Variants in DMRT1 observed in about 807,000 individuals in gnomAD.
The protein encoded by DMRT1 is doublesex- and mab-3-related transcription factor 1.
DMRT1 carries 7 observed loss-of-function variants against 32.3 expected under a neutral mutation model. The ratio of observed to expected loss-of-function variants is 0.22; its 90% CI spans 0.12 to 0.41. The LOEUF (loss-of-function observed/expected upper bound fraction) is 0.41, where lower values mean the gene tolerates loss of function less well. Among genes scored for constraint, DMRT1 ranks in the 10% least tolerant of loss-of-function variants. DMRT1 has a pLI of 1.00. For synonymous variants in DMRT1, 278 were observed against 206.1 expected, an observed-to-expected ratio of 1.35 and a Z score of -2.99; for missense variants, 625 against 500.5, an observed-to-expected ratio of 1.25 and a Z score of -2.37.
chr9:841,751 G>C lies in DMRT1; in HGVS notation c.-88G>C. The C allele has an allele frequency of 2.6e-6, 4 of 1,548,544 alleles. No homozygotes were observed. Among genetic ancestry groups the C allele is most frequent in the Non-Finnish European group, 3.5e-6 (4 of 1,147,338 alleles). On this transcript the variant is annotated 5_prime_UTR_variant, in exon 1 of 5. Coordinates refer to ENST00000382276, the MANE Select transcript of DMRT1 (RefSeq NM_021951.3). Reference sequence around the variant, plus strand: ...CACGTCTCCTGCGCCTCCTCCTCCGGAGCGTCGCTGTCCGTCGGGTTCATC... The same window carrying C: ...CACGTCTCCTGCGCCTCCTCCTCCGCAGCGTCGCTGTCCGTCGGGTTCATC...
intron 3 of DMRT1, among the ~76,000 whole-genome samples, chr9:915,679 C>T (rs1417389421): frequency 6.6e-6 from 1 of 152,048 alleles, no homozygotes. Context: ...TCCACAGCTT[C>T]CCATTACACA....
In DMRT1 at chr9:850,707, T is replaced by G. The variant is rs548654856; in HGVS notation, c.538+3564T>G. Reference sequence around the variant, plus strand: ...TTTTTTCATTTACTACAGCTGAGAATTTTTAGTGACCTAGAATTCCACTGT... The same window carrying G: ...TTTTTTCATTTACTACAGCTGAGAAGTTTTAGTGACCTAGAATTCCACTGT... On this transcript the variant is annotated intron_variant, in intron 2 of 4. Transcript: ENST00000382276. Among the ~76,000 whole-genome samples, 5 of 150,096 alleles carry G rather than the reference T, an allele frequency of 3.3e-5. No homozygotes were observed. The East Asian group carries it at 7.8e-4, about 23-fold the overall frequency.
intron 4 of DMRT1, among the ~76,000 whole-genome samples, chr9:959,874 G>T (rs1819716585): frequency 6.6e-6 from 1 of 152,174 alleles, no homozygotes; most frequent in Non-Finnish European, 1.5e-5. Flanking sequence ...GTGCATGCAT[G>T]GGTTAGTCCT....
At chr9:961,256 C>G (rs560572209) in intron 4 of DMRT1, among the ~76,000 whole-genome samples, 1 of 152,136 alleles carries the variant, frequency 6.6e-6, no homozygotes, top group Non-Finnish European at 1.5e-5. Flanking sequence ...CTGGGTAACT[C>G]TTTGCTCTTC....
intron 2 of DMRT1, among the ~76,000 whole-genome samples, chr9:862,130 C>T (rs1444744284): frequency 6.7e-6 from 1 of 149,944 alleles, no homozygotes; most frequent in East Asian, 2.0e-4. Flanking sequence ...AATCTCAGCA[C>T]TTTGGGAGGC....
At chr9:872,984 T>C (rs1429439414) in intron 2 of DMRT1, among the ~76,000 whole-genome samples, 1 of 152,236 alleles carries the variant, frequency 6.6e-6, no homozygotes, top group Non-Finnish European at 1.5e-5. Flanking sequence ...ACTCTGTTCA[T>C]GGATTCACAT....
chr9:927,446 G>A (rs1249470090), intron 4 of DMRT1, among the ~76,000 whole-genome samples: 3 of 152,172 alleles, frequency 2.0e-5, no homozygotes, highest in Non-Finnish European at 4.4e-5. Context: ...TCCAGATTGC[G>A]ATGTGACATT....
At chr9:865,583 A>G (rs902568758) in intron 2 of DMRT1, among the ~76,000 whole-genome samples, 3 of 152,194 alleles carry the variant, frequency 2.0e-5, no homozygotes, top group Non-Finnish European at 2.9e-5. Flanking sequence ...ATGAGCCCGG[A>G]TATGATTTAT....
At chr9:893,479 G>A (rs927206323) in intron 2 of DMRT1, among the ~76,000 whole-genome samples, 5 of 152,218 alleles carry the variant, frequency 3.3e-5, no homozygotes, top group African/African-American at 1.2e-4. Flanking sequence ...AAGGAAACAG[G>A]TGTTCACCTA....
At chr9:908,636 G>A (rs1416375946) in intron 3 of DMRT1, among the ~76,000 whole-genome samples, 1 of 151,954 alleles carries the variant, frequency 6.6e-6, no homozygotes, top group East Asian at 1.9e-4. Context: ...TTTATTTTTG[G>A]AGCTACTGTA....
chr9:894,201 A>G lies in DMRT1; in HGVS notation c.822+6A>G. The G allele has an allele frequency of 6.2e-7, 1 of 1,612,758 alleles. No individual in the cohort carries two copies. Among genetic ancestry groups the G allele is most frequent in the Non-Finnish European group, 8.5e-7 (1 of 1,179,982 alleles). ...AGACAGGAAACCAGTGGCAGGTATG[A>G]TATTAATTACCCAGAGAGTGAACTG... On this transcript the variant is annotated splice_donor_region_variant and intron_variant, in intron 3 of 4. Coordinates refer to ENST00000382276, the MANE Select transcript of DMRT1 (RefSeq NM_021951.3).
At chr9:886,741 A>G (rs887329259) in intron 2 of DMRT1, among the ~76,000 whole-genome samples, 1 of 152,114 alleles carries the variant, frequency 6.6e-6, no homozygotes, top group Non-Finnish European at 1.5e-5. Context: ...TCAGTTGGAA[A>G]TATTACTTTT....
intron 3 of DMRT1, among the ~76,000 whole-genome samples, chr9:913,415 A>C (rs1818057736): frequency 2.2e-5 from 1 of 46,350 alleles, no homozygotes; most frequent in African/African-American, 8.8e-5. Context: ...TTCAATTCAA[A>C]GTGTGTTTGA....
At chr9:859,899 G>A (rs1815578326) in intron 2 of DMRT1, among the ~76,000 whole-genome samples, 1 of 152,186 alleles carries the variant, frequency 6.6e-6, no homozygotes, top group African/African-American at 2.4e-5. Context: ...GCCATCCATT[G>A]CCATTCAGCA....
At chr9:961,641 C>T (rs1819776291) in intron 4 of DMRT1, among the ~76,000 whole-genome samples, 1 of 152,146 alleles carries the variant, frequency 6.6e-6, no homozygotes, top group African/African-American at 2.4e-5. Flanking sequence ...GGTTGTTTTG[C>T]CTCTTGGATG....
intron 3 of DMRT1, among the ~76,000 whole-genome samples, chr9:905,782 G>A (rs1303043196): frequency 6.6e-6 from 1 of 152,072 alleles, no homozygotes; most frequent in African/African-American, 2.4e-5. Flanking sequence ...TTTCCGGGCT[G>A]TGAGCCTCCT....
intron 4 of DMRT1, among the ~76,000 whole-genome samples, chr9:945,749 T>C (rs1198663650): frequency 5.3e-5 from 8 of 151,938 alleles, no homozygotes; most frequent in African/African-American, 1.5e-4. Flanking sequence ...ACTTTTTTTT[T>C]TTTTTTGCCA....
chr9:950,662 A>C (rs567178752), intron 4 of DMRT1, among the ~76,000 whole-genome samples: 1 of 152,166 alleles, frequency 6.6e-6, no homozygotes, highest in Non-Finnish European at 1.5e-5. Flanking sequence ...TGCTTCCCCA[A>C]GTCAGCATTT....
intron 4 of DMRT1, among the ~76,000 whole-genome samples, chr9:922,661 C>A (rs1225681591): frequency 6.6e-6 from 1 of 152,184 alleles, no homozygotes; most frequent in African/African-American, 2.4e-5. Context: ...ATTTTGTGAT[C>A]TCGGTTTAAA....
Sources: allele counts gnomAD v4.1 joint callset (sites outside exome capture counted in the v4.1 genomes callset), GRCh38; gene constraint gnomAD v4.1.1; transcripts MANE v1.5; gene names NCBI Gene and HGNC (gene_info 2026-07-23, HGNC 2026-07-21).